CTNNA2: variants seen among roughly 807,000 people sequenced by gnomAD.
The protein encoded by CTNNA2 is catenin alpha-2.
CTNNA2 carries 42 observed loss-of-function variants against 101.0 expected under a neutral mutation model. That is an observed-to-expected ratio of 0.42 (90% CI 0.32 to 0.54). The LOEUF (loss-of-function observed/expected upper bound fraction) is 0.54. Among genes scored for constraint, CTNNA2 ranks in the 20% least tolerant of loss-of-function variants. The pLI, the probability that CTNNA2 is intolerant of heterozygous loss-of-function variation, is 0.14. For missense variants in CTNNA2, 871 were observed against 1,223.1 expected (o/e 0.71, Z 4.29); for synonymous variants, 450 against 456.4 (o/e 0.99, Z 0.18).
intron 4 of CTNNA2, among the ~76,000 whole-genome samples, chr2:79,436,013 C>CA (rs1398020977): frequency 6.6e-6 from 1 of 152,068 alleles, no homozygotes; most frequent in African/African-American, 2.4e-5. Context: ...CCTGTGTCTG[C>CA]AAAACCACAC....
chr2:79,784,293 A>G (rs1674673833), intron 3 of CTNNA2, among the ~76,000 whole-genome samples: 2 of 151,924 alleles, frequency 1.3e-5, no homozygotes, highest in African/African-American at 4.8e-5. Flanking sequence ...AGCTTGATGT[A>G]TTCCCCAACT....
intron 7 of CTNNA2, among the ~76,000 whole-genome samples, chr2:80,311,999 A>T (rs887848725): frequency 6.6e-6 from 1 of 152,230 alleles, no homozygotes; most frequent in African/African-American, 2.4e-5. Context: ...TATGGGGGAT[A>T]CCTAGACAAC....
intron 3 of CTNNA2, among the ~76,000 whole-genome samples, chr2:79,756,086 G>A (rs1244833896): frequency 6.7e-6 from 1 of 149,776 alleles, no homozygotes; most frequent in Non-Finnish European, 1.5e-5. Flanking sequence ...GGTCAGCACA[G>A]AGCCCTTTGT....
chr2:80,484,923 G>A (rs937385019), intron 9 of CTNNA2, among the ~76,000 whole-genome samples: 9 of 152,000 alleles, frequency 5.9e-5, no homozygotes, highest in Admixed American at 2.6e-4. Flanking sequence ...GGAGAATGGC[G>A]TGAACCTGGG....
At chr2:79,252,416 C>G (rs1674784677) in intron 2 of CTNNA2, among the ~76,000 whole-genome samples, 2 of 151,694 alleles carry the variant, frequency 1.3e-5, no homozygotes, top group East Asian at 3.9e-4. Flanking sequence ...AAATCTTCAC[C>G]TCTGGTTTTG....
chr2:80,610,994 C>T (rs1425409634), intron 17 of CTNNA2, among the ~76,000 whole-genome samples: 1 of 143,910 alleles, frequency 6.9e-6, no homozygotes, highest in Non-Finnish European at 1.5e-5. Flanking sequence ...TGGTTTCCTA[C>T]CTGGCAATTA....
At chr2:80,056,552 C>T (rs143338914) in intron 7 of CTNNA2, among the ~76,000 whole-genome samples, 7 of 152,272 alleles carry the variant, frequency 4.6e-5, no homozygotes, top group Non-Finnish European at 7.3e-5. Flanking sequence ...CAAGCCTCAG[C>T]GATCCTTACA....
intron 4 of CTNNA2, among the ~76,000 whole-genome samples, chr2:79,453,809 T>G (rs1220020093): frequency 6.6e-6 from 1 of 152,202 alleles, no homozygotes; most frequent in Non-Finnish European, 1.5e-5. Context: ...ATTAACAAAA[T>G]TGTGTTCTTT....
chr2:80,356,832 G>A (rs1052364256), intron 7 of CTNNA2, among the ~76,000 whole-genome samples: 4 of 152,132 alleles, frequency 2.6e-5, no homozygotes, highest in Non-Finnish European at 5.9e-5. Context: ...TAGTTTGAAA[G>A]CACTTAGAGG....
Position 79,975,040 on chromosome 2 carries a change from G to A in CTNNA2, c.1056+65243G>A, listed in dbSNP as rs1342284147. 5.3e-5 allele frequency among the ~76,000 whole-genome samples: 8 copies of A among 152,294 alleles called. No individual in the cohort carries two copies. The South Asian group carries it at 6.2e-4, about 12-fold the overall frequency. ...CAAGAGGCTGGTGAGCTTGGAACAC[G>A]GTGAATGAGGAGGAGGCTTGTTTTC... On this transcript the variant is annotated intron_variant, in intron 7 of 18. Coordinates refer to ENST00000402739, the MANE Select transcript of CTNNA2 (RefSeq NM_001282597.3).
intron 4 of CTNNA2, among the ~76,000 whole-genome samples, chr2:79,464,045 T>C (rs1255767035): frequency 6.6e-6 from 1 of 152,076 alleles, no homozygotes; most frequent in Non-Finnish European, 1.5e-5. Flanking sequence ...GCAGGTTGGT[T>C]ACATATGTAT....
intron 7 of CTNNA2, among the ~76,000 whole-genome samples, chr2:79,976,383 C>T (rs1260939825): frequency 2.6e-5 from 4 of 152,116 alleles, no homozygotes; most frequent in African/African-American, 9.7e-5. Context: ...ATGTGATTCA[C>T]ACAACTACCT....
rs557784583 is a variant in CTNNA2 at position 80,573,256 on chromosome 2, A to G, written c.1742-907A>G. The G allele has an allele frequency of 4.6e-5, 7 of 152,354 alleles. 2 individuals carry two copies. The highest frequency in any genetic ancestry group is 2.1e-4 in the South Asian group (1 of 4,828). The allele number at this position is 152,354 out of a possible 1,614,324, so 9.4% of individuals were successfully genotyped here. Reference sequence around the variant, plus strand: ...TTTTGAGAATCAGTGAATCAGCAGCATCTTTTAAGAAGTTAGTGGAGGTGT... The same window carrying G: ...TTTTGAGAATCAGTGAATCAGCAGCGTCTTTTAAGAAGTTAGTGGAGGTGT... On this transcript the variant is annotated intron_variant, in intron 12 of 18. Transcript: ENST00000402739.
At chr2:79,771,674 G>A (rs1673591005) in intron 3 of CTNNA2, among the ~76,000 whole-genome samples, 1 of 152,186 alleles carries the variant, frequency 6.6e-6, no homozygotes, top group Admixed American at 6.5e-5. Context: ...TGATCTGACA[G>A]GAGGCGGAGC....
At chr2:79,880,604 T>C (rs893816542) in intron 6 of CTNNA2, among the ~76,000 whole-genome samples, 5 of 152,210 alleles carry the variant, frequency 3.3e-5, no homozygotes, top group African/African-American at 1.2e-4. Flanking sequence ...TTGATTTGCA[T>C]AGAGGTGTTT....
chr2:79,355,114 C>T (rs1246977689), intron 3 of CTNNA2, among the ~76,000 whole-genome samples: 8 of 152,108 alleles, frequency 5.3e-5, no homozygotes. Flanking sequence ...CAGTACCATG[C>T]TGTTTTAGGT....
At chr2:80,075,015 T>G (rs955688937) in intron 7 of CTNNA2, among the ~76,000 whole-genome samples, 3 of 152,202 alleles carry the variant, frequency 2.0e-5, no homozygotes, top group Non-Finnish European at 4.4e-5. Context: ...TCGTTTCTAT[T>G]AGGTCTGTCC....
intron 4 of CTNNA2, among the ~76,000 whole-genome samples, chr2:79,375,939 C>G (rs1677968389): frequency 6.6e-6 from 1 of 152,114 alleles, no homozygotes; most frequent in Non-Finnish European, 1.5e-5. Flanking sequence ...ATGACAAAGA[C>G]TTGTATGAAG....
intron 3 of CTNNA2, among the ~76,000 whole-genome samples, chr2:79,760,572 C>A (rs1672723512): frequency 6.6e-6 from 1 of 152,134 alleles, no homozygotes; most frequent in African/African-American, 2.4e-5. Context: ...CAAGGCAAAT[C>A]TTCTTTACTT....
Sources: allele counts gnomAD v4.1 joint callset (sites outside exome capture counted in the v4.1 genomes callset), GRCh38; gene constraint gnomAD v4.1.1; transcripts MANE v1.5; gene names NCBI Gene and HGNC (gene_info 2026-07-23, HGNC 2026-07-21).